The following NCALD variants were observed in gnomAD, a reference collection of about 807,000 sequenced individuals.
The protein encoded by NCALD is neurocalcin-delta.
A neutral mutation model predicts 18.6 loss-of-function variants in NCALD; 10 were observed. That is an observed-to-expected ratio of 0.54 (90% CI 0.33 to 0.91). The LOEUF is 0.91. Among genes scored for constraint, NCALD ranks in the 40% least tolerant of loss-of-function variants. NCALD has a pLI of 0.03. For synonymous variants in NCALD, 88 were observed against 87.4 expected, an observed-to-expected ratio of 1.01 and a Z score of -0.04; for missense variants, 184 against 247.6, an observed-to-expected ratio of 0.74 and a Z score of 1.72.
intron 4 of NCALD, among the ~76,000 whole-genome samples, chr8:101,866,267 T>C (rs1027956520): frequency 1.3e-5 from 2 of 152,228 alleles, no homozygotes; most frequent in African/African-American, 4.8e-5. Flanking sequence ...CATTTTCCTT[T>C]GCTGGTTCCC....
At chr8:101,988,787 G>A (rs547646575) in intron 2 of NCALD, among the ~76,000 whole-genome samples, 1 of 151,412 alleles carries the variant, frequency 6.6e-6, no homozygotes, top group East Asian at 2.0e-4. Context: ...ATCCCCTAGA[G>A]GACATTTAGA....
intron 4 of NCALD, among the ~76,000 whole-genome samples, chr8:101,830,532 G>C (rs7842473): frequency 6.6e-6 from 1 of 150,616 alleles, no homozygotes; most frequent in African/African-American, 2.4e-5. Flanking sequence ...CTGGGTGACA[G>C]AGCGAGACTC....
At chr8:101,816,642 A>C (rs1349870517) in intron 4 of NCALD, among the ~76,000 whole-genome samples, 1 of 152,108 alleles carries the variant, frequency 6.6e-6, no homozygotes, top group Non-Finnish European at 1.5e-5. Flanking sequence ...GATCTGTCTT[A>C]TGTCAATTTA....
chr8:102,083,017 A>G (rs1241430263), intron 1 of NCALD, among the ~76,000 whole-genome samples: 1 of 152,256 alleles, frequency 6.6e-6, no homozygotes, highest in Non-Finnish European at 1.5e-5. Context: ...AGGGCAAAAG[A>G]AAAGTCAATT....
intron 2 of NCALD, among the ~76,000 whole-genome samples, chr8:101,932,976 T>C (rs1055695661): frequency 6.6e-6 from 1 of 152,194 alleles, no homozygotes; most frequent in Non-Finnish European, 1.5e-5. Flanking sequence ...TACCTAGAAA[T>C]AGCATTGATA....
rs113375628 is a variant in NCALD, at chr8:101,689,173, G to A, written c.*136C>T. 7,184 of 799,682 alleles carry A rather than the reference G, an allele frequency of 9.0e-3. 36 individuals carry two copies. Among genetic ancestry groups the A allele is most frequent in the Non-Finnish European group, 0.012 (5,493 of 468,974 alleles). The allele number at this position is 799,682 out of a possible 1,614,324, so 49.5% of individuals were successfully genotyped here. A position where few individuals can be genotyped will look rare whatever the true frequency, so the allele number is the denominator to read the frequency against. ...CGACAAAAGAAGCTGAAGGCGTCAC[G>A]GAGGAAGGCGCATCAGACCGCACAG... On this transcript the variant is annotated 3_prime_UTR_variant, in exon 4 of 4. Coordinates refer to ENST00000220931, the MANE Select transcript of NCALD (RefSeq NM_032041.3). This position sits in a 1 kb window ranked among gnomAD's most constrained non-coding sequence, Gnocchi z 4.4.
chr8:101,985,364 A>G (rs763002025), intron 2 of NCALD, among the ~76,000 whole-genome samples: 5 of 152,152 alleles, frequency 3.3e-5, no homozygotes, highest in Non-Finnish European at 5.9e-5. Flanking sequence ...AGCTCAGATT[A>G]GAGATTTGTG....
At position 101,907,172 on chromosome 8, in the gene NCALD, G is replaced by T. The variant is rs555989538; in HGVS notation, c.-107+8637C>A. On this transcript the variant is annotated intron_variant, in intron 3 of 6. Transcript: ENST00000311028. ...GGAGTTTTTGGCAACTTCTAATTTT[G>T]CACAAAAGCAAATGTCCTACTCACC... Among the ~76,000 whole-genome samples, 7 of 152,174 alleles carry T rather than the reference G, an allele frequency of 4.6e-5. No individual in the cohort carries two copies. The South Asian group carries it at 1.5e-3, about 32-fold the overall frequency.
intron 1 of NCALD, among the ~76,000 whole-genome samples, chr8:101,769,308 G>T (rs1173603679): frequency 6.6e-6 from 1 of 152,148 alleles, no homozygotes; most frequent in East Asian, 1.9e-4. Flanking sequence ...TAAACTTGAC[G>T]TTCTATGCTC....
At chr8:101,744,528 A>G (rs1810348585) in intron 1 of NCALD, among the ~76,000 whole-genome samples, 1 of 152,192 alleles carries the variant, frequency 6.6e-6, no homozygotes, top group Admixed American at 6.5e-5. Flanking sequence ...TTTATCTTTT[A>G]TCTTCTTTCT....
chr8:101,725,674 G>C (rs898724570), intron 1 of NCALD, among the ~76,000 whole-genome samples: 1 of 152,130 alleles, frequency 6.6e-6, no homozygotes, highest in African/African-American at 2.4e-5. Flanking sequence ...GGCTCACTTC[G>C]GCCCCACACC....
At chr8:101,723,860 T>C (rs1368286749) in intron 1 of NCALD, among the ~76,000 whole-genome samples, 3 of 152,194 alleles carry the variant, frequency 2.0e-5, no homozygotes, top group South Asian at 4.1e-4. Context: ...AGAACAAAAA[T>C]GTTTCTATGA....
intron 4 of NCALD, among the ~76,000 whole-genome samples, chr8:101,865,685 C>T (rs551295): frequency 0.23 from 34,832 of 151,854 alleles, 4,237 homozygotes; most frequent in East Asian, 0.38. Context: ...TGTGAATTCA[C>T]AGGTCATGCT....
chr8:101,719,397 C>G lies in NCALD; in HGVS notation c.233G>C (p.Gly78Ala). 5 of 1,614,198 alleles carry G rather than the reference C, an allele frequency of 3.1e-6. No homozygotes were observed. Among genetic ancestry groups the G allele is most frequent in the South Asian group, 1.1e-5 (1 of 91,080 alleles). Residue 78 changes from glycine to alanine, a missense_variant, in exon 2 of 4, where the codon GGG becomes GCG. Physicochemically the swap from Gly to Ala is moderately conservative, Grantham distance 60. Coordinates refer to ENST00000220931, the MANE Select transcript of NCALD (RefSeq NM_032041.3). ...VFRTFDANGD[G>A]TIDFREFIIA... ...GATGAATTCTCTAAAGTCTATTGTC[C>G]CATCTCCATTTGCATCGAAGGTGCG...
intron 1 of NCALD, among the ~76,000 whole-genome samples, chr8:102,101,254 G>A (rs1424884709): frequency 6.6e-6 from 1 of 152,188 alleles, no homozygotes; most frequent in Admixed American, 6.5e-5. Flanking sequence ...ACTGGACCCA[G>A]TATTATATGT....
At chr8:101,741,724 C>T (rs546699796) in intron 1 of NCALD, among the ~76,000 whole-genome samples, 11 of 120,846 alleles carry the variant, frequency 9.1e-5, no homozygotes, top group Non-Finnish European at 1.5e-4. Flanking sequence ...TCCAGAAGTT[C>T]GAGACCAGCC....
intron 1 of NCALD, among the ~76,000 whole-genome samples, chr8:101,774,606 C>T (rs1195200513): frequency 6.6e-6 from 1 of 152,192 alleles, no homozygotes; most frequent in Non-Finnish European, 1.5e-5. Context: ...GGTTACAAGG[C>T]ACAACTTTCA....
At chr8:101,867,105 G>A (rs1172952022) in intron 4 of NCALD, among the ~76,000 whole-genome samples, 1 of 152,036 alleles carries the variant, frequency 6.6e-6, no homozygotes, top group African/African-American at 2.4e-5. Context: ...TTTGTACTTG[G>A]CACTCCCTCG....
At chr8:101,723,697 C>T (rs142412541) in intron 1 of NCALD, among the ~76,000 whole-genome samples, 66 of 152,048 alleles carry the variant, frequency 4.3e-4, no homozygotes, top group Non-Finnish European at 9.0e-4. Context: ...CAAACAGTAA[C>T]TCAAAGTTTT....
Sources: allele counts gnomAD v4.1 joint callset (sites outside exome capture counted in the v4.1 genomes callset), GRCh38; gene constraint gnomAD v4.1.1; non-coding constraint Gnocchi (gnomAD v3.1); transcripts MANE v1.5; gene names NCBI Gene and HGNC (gene_info 2026-07-23, HGNC 2026-07-21).